The following AHI1 variants were observed in gnomAD, a reference collection of about 807,000 sequenced individuals.
AHI1 encodes the protein Abelson helper integration site 1, also known as jouberin.
AHI1 carries 123 observed loss-of-function variants against 149.3 expected under a neutral mutation model. The ratio of observed to expected loss-of-function variants is 0.82; its 90% CI spans 0.71 to 0.96. The LOEUF (loss-of-function observed/expected upper bound fraction) is 0.96. Ranked by LOEUF, AHI1 falls within the 40% of genes least tolerant of loss-of-function variation. AHI1 has a pLI of 0.00. For missense variants in AHI1, 1,439 were observed against 1,422.7 expected (o/e 1.01, Z -0.18); for synonymous variants, 475 against 459.8 (o/e 1.03, Z -0.42).
At chr6:135,427,601 T>C (rs889942444) in intron 19 of AHI1, among the ~76,000 whole-genome samples, 3 of 151,604 alleles carry the variant, frequency 2.0e-5, no homozygotes, top group Admixed American at 1.3e-4. Context: ...GACTCTAAGA[T>C]TGGAGATTGG....
rs558951321 is a variant in AHI1, at chr6:135,424,782, A to G, written c.2764+2385T>C. On this transcript the variant is annotated intron_variant, in intron 20 of 28. Coordinates refer to ENST00000265602, the MANE Select transcript of AHI1 (RefSeq NM_001134831.2). ...ACTTGTTTAGCTTATAAAAAAAAAT[A>G]AGCTTGCTCCATTTTCCTGGAAAAT... 3.3e-5 allele frequency among the ~76,000 whole-genome samples: 5 copies of G among 152,088 alleles called. No homozygotes were observed. In the South Asian group the frequency reaches 1.0e-3, roughly 32 times the overall value.
At chr6:135,407,188 T>C (rs1424133200) in intron 21 of AHI1, among the ~76,000 whole-genome samples, 1 of 152,206 alleles carries the variant, frequency 6.6e-6, no homozygotes, top group Non-Finnish European at 1.5e-5. Flanking sequence ...GAATTTATTA[T>C]GCAATTCACT....
chr6:135,318,700 T>C (rs1786358274), intron 25 of AHI1, 84 bp from the exon 26 acceptor site: 1 of 766,170 alleles, frequency 1.3e-6, no homozygotes, highest in Non-Finnish European at 2.0e-6. Flanking sequence ...GGGGCAAATA[T>C]GAAATTAAAG....
intron 23 of AHI1, among the ~76,000 whole-genome samples, chr6:135,373,909 T>A (rs1156506895): frequency 6.6e-6 from 1 of 151,842 alleles, no homozygotes; most frequent in African/African-American, 2.4e-5. Flanking sequence ...TTTCGGGCAA[T>A]ATGATACCTA....
In AHI1 at chr6:135,329,333, A is replaced by G. The variant is rs1392670629; in HGVS notation, c.3166-6009T>C. Among the ~76,000 whole-genome samples the G allele has an allele frequency of 2.6e-5, 4 of 152,332 alleles. No individual in the cohort carries two copies. The East Asian group carries it at 7.7e-4, about 29-fold the overall frequency. ...AGGCTGACTCTCCTGCTAGGAACTA[A>G]TACAGCTGGTGACTTCAAGTTGAAG... On this transcript the variant is annotated intron_variant, in intron 24 of 28. Transcript: ENST00000265602.
chr6:135,321,488 GA>G (rs1786824033), intron 25 of AHI1, among the ~76,000 whole-genome samples: 1 of 152,078 alleles, frequency 6.6e-6, no homozygotes, highest in South Asian at 2.1e-4. Flanking sequence ...CTGGGGAGGG[GA>G]GCAATGGGAA....
chr6:135,379,527 C>T (rs986125042), intron 23 of AHI1, among the ~76,000 whole-genome samples: 5 of 152,202 alleles, frequency 3.3e-5, no homozygotes, highest in Non-Finnish European at 5.9e-5. Flanking sequence ...GAATTTGTTA[C>T]TATATCATCT....
At position 135,326,574 on chromosome 6, in the gene AHI1, T is replaced by G. The variant is rs1358086935; in HGVS notation, c.3166-3250A>C. Among the ~76,000 whole-genome samples the G allele has an allele frequency of 3.3e-5, 5 of 152,266 alleles. No individual in the cohort carries two copies. The East Asian group carries it at 9.6e-4, about 29-fold the overall frequency. ...CTGTACCCCACAGGTAATTTTTTTTTTTTTGAGACAGAGTCTTGCTCTCTT... is the reference window on the plus strand; with the variant it reads ...CTGTACCCCACAGGTAATTTTTTTTGTTTTGAGACAGAGTCTTGCTCTCTT... On this transcript the variant is annotated intron_variant, in intron 24 of 28. Coordinates refer to ENST00000265602, the MANE Select transcript of AHI1 (RefSeq NM_001134831.2).
At chr6:135,470,721 C>T (rs776231639) in intron 5 of AHI1, among the ~76,000 whole-genome samples, 2 of 151,446 alleles carry the variant, frequency 1.3e-5, no homozygotes, top group African/African-American at 4.9e-5. Context: ...ATCACTTGTA[C>T]GTGGGAGCTG....
intron 24 of AHI1, among the ~76,000 whole-genome samples, chr6:135,342,530 G>T (rs1191418761): frequency 6.6e-6 from 1 of 151,714 alleles, no homozygotes; most frequent in African/African-American, 2.4e-5. Flanking sequence ...ATATGAAAAA[G>T]ATTATATTAT....
chr6:135,423,776 T>C (rs1173340562), intron 20 of AHI1, among the ~76,000 whole-genome samples: 2 of 152,270 alleles, frequency 1.3e-5, no homozygotes, highest in African/African-American at 2.4e-5. Context: ...GTTGATACTC[T>C]GTTATTAACT....
Position 135,485,110 on chromosome 6 carries a change from G to A in AHI1, c.135+5513C>T, listed in dbSNP as rs143758514. Among the ~76,000 whole-genome samples the A allele has an allele frequency of 3.9e-4, 56 of 143,704 alleles. No homozygotes were observed. In the East Asian group the frequency reaches 0.01, roughly 26 times the overall value. The allele number at this position is 143,704 out of a possible 152,430, so 94.3% of individuals were successfully genotyped here. On this transcript the variant is annotated intron_variant, in intron 5 of 28. Transcript: ENST00000265602. ...TTTTTTAAGACAGAGTTTCGCTCTT[G>A]TAGCCCAGGCTGGAGTGAGGTGGCA...
chr6:135,400,174 AT>A (rs1215288413), intron 22 of AHI1, among the ~76,000 whole-genome samples: 13 of 152,152 alleles, frequency 8.5e-5, no homozygotes, highest in Non-Finnish European at 1.8e-4. Context: ...TTTAAAAATT[AT>A]TTTTTAAAAA....
intron 21 of AHI1, among the ~76,000 whole-genome samples, chr6:135,407,951 C>T (rs1216570153): frequency 1.3e-5 from 2 of 151,724 alleles, no homozygotes; most frequent in African/African-American, 2.4e-5. Flanking sequence ...AGGAGAATGG[C>T]GTGAACCCAG....
At chr6:135,334,031 A>G (rs1042042450) in intron 24 of AHI1, among the ~76,000 whole-genome samples, 2 of 152,372 alleles carry the variant, frequency 1.3e-5, no homozygotes, top group African/African-American at 4.8e-5. Flanking sequence ...GTAATATTAG[A>G]CAACAATAAC....
chr6:135,385,573 C>T (rs1294921987), intron 23 of AHI1, among the ~76,000 whole-genome samples: 6 of 152,042 alleles, frequency 3.9e-5, no homozygotes, highest in East Asian at 1.9e-4. Flanking sequence ...TCATAGAAGA[C>T]GGAAAACGAT....
At position 135,334,917 on chromosome 6, in the gene AHI1, G is replaced by A. The variant is rs181360867; in HGVS notation, c.3166-11593C>T. ...AATCAAGTGCATCATAAATTCTGGG[G>A]ATGGCCCAGTAATCTGTGTTTTAGC... On this transcript the variant is annotated intron_variant, in intron 24 of 28. Coordinates refer to ENST00000265602, the MANE Select transcript of AHI1 (RefSeq NM_001134831.2). Among the ~76,000 whole-genome samples the A allele has an allele frequency of 2.4e-4, 37 of 152,278 alleles. 1 individual carries two copies. Among genetic ancestry groups the A allele is most frequent in the Admixed American group, 2.4e-3 (37 of 15,304 alleles).
At position 135,411,332 on chromosome 6, in the gene AHI1, C is replaced by T. The variant is rs199671265; in HGVS notation, c.2961+16G>A. On this transcript the variant is annotated intron_variant, in intron 21 of 28. Coordinates refer to ENST00000265602, the MANE Select transcript of AHI1 (RefSeq NM_001134831.2). ...AGAAATAGTTTTAAAGTTTCAACTGCATAAAATAAACTTACTGTGACAGTT... is the reference window on the plus strand; with the variant it reads ...AGAAATAGTTTTAAAGTTTCAACTGTATAAAATAAACTTACTGTGACAGTT... The T allele has an allele frequency of 1.3e-6, 2 of 1,568,982 alleles. No homozygotes were observed. The highest frequency in any genetic ancestry group is 2.7e-5 in the African/African-American group (2 of 74,554).
At chr6:135,290,005 G>A (rs968859045) in intron 28 of AHI1, among the ~76,000 whole-genome samples, 4 of 151,614 alleles carry the variant, frequency 2.6e-5, no homozygotes, top group South Asian at 2.1e-4. Flanking sequence ...AGGCCCCCAG[G>A]GACTATCACT....
Sources: allele counts gnomAD v4.1 joint callset (sites outside exome capture counted in the v4.1 genomes callset), GRCh38; gene constraint gnomAD v4.1.1; transcripts MANE v1.5; gene names NCBI Gene and HGNC (gene_info 2026-07-23, HGNC 2026-07-21).